ASAP1: variants seen among roughly 807,000 people sequenced by gnomAD.
ASAP1 encodes ArfGAP with SH3 domain, ankyrin repeat and PH domain 1, also known as arf-GAP with SH3 domain, ANK repeat and PH domain-containing protein 1.
In ASAP1, 43 loss-of-function variants were observed where a neutral mutation model predicts 145.2. The ratio of observed to expected loss-of-function variants is 0.30; its 90% confidence interval spans 0.23 to 0.38. The LOEUF (loss-of-function observed/expected upper bound fraction) is 0.38, where lower values mean the gene tolerates loss of function less well. ASAP1 is among the 10% of genes least tolerant of loss of function. ASAP1 has a pLI of 1.00. For missense variants in ASAP1, 1,018 were observed against 1,355.3 expected (o/e 0.75, Z 3.91); for synonymous variants, 546 against 515.5 (o/e 1.06, Z -0.80).
intron 24 of ASAP1, among the ~76,000 whole-genome samples, chr8:130,101,984 T>C (rs1341488607): frequency 2.0e-5 from 3 of 152,094 alleles, no homozygotes; most frequent in Non-Finnish European, 2.9e-5. Flanking sequence ...CAGTTCTAAA[T>C]GTGTTTTTTG....
At chr8:130,413,495 A>G (rs1008835477) in intron 1 of ASAP1, among the ~76,000 whole-genome samples, 1 of 152,240 alleles carries the variant, frequency 6.6e-6, no homozygotes, top group Non-Finnish European at 1.5e-5. Flanking sequence ...CTGCTATGAT[A>G]TCAATAATGC....
intron 15 of ASAP1, among the ~76,000 whole-genome samples, chr8:130,130,248 T>A (rs1476406169): frequency 6.6e-6 from 1 of 152,218 alleles, no homozygotes; most frequent in Non-Finnish European, 1.5e-5. Flanking sequence ...TATAATACTT[T>A]ATAGATGAGG....
chr8:130,205,724 A>G (rs1816178110), intron 5 of ASAP1, among the ~76,000 whole-genome samples: 1 of 151,612 alleles, frequency 6.6e-6, no homozygotes, highest in African/African-American at 2.4e-5. Flanking sequence ...TCATGTGAAT[A>G]TTCAAGTTTC....
chr8:130,420,529 A>G (rs954203640), intron 1 of ASAP1, among the ~76,000 whole-genome samples: 2 of 152,180 alleles, frequency 1.3e-5, no homozygotes, highest in African/African-American at 4.8e-5. Context: ...AAAACCTATC[A>G]GCCAAGGAAT....
chr8:130,272,829 G>A (rs919282915), intron 3 of ASAP1, among the ~76,000 whole-genome samples: 2 of 152,176 alleles, frequency 1.3e-5, no homozygotes, highest in African/African-American at 4.8e-5. Flanking sequence ...ACAGATACTA[G>A]AGACTGGGAA....
At chr8:130,160,379 AC>A (rs1040047518) in intron 11 of ASAP1, among the ~76,000 whole-genome samples, 1 of 152,254 alleles carries the variant, frequency 6.6e-6, no homozygotes, top group Non-Finnish European at 1.5e-5. Context: ...CTTAGGCTGT[AC>A]CTTTCTCCCT....
chr8:130,073,220 GTC>G (rs1017714341), intron 27 of ASAP1, among the ~76,000 whole-genome samples: 38 of 150,298 alleles, frequency 2.5e-4, no homozygotes, highest in African/African-American at 9.2e-4. Context: ...AGAAACCCCT[GTC>G]TCTACTAAAA....
At chr8:130,190,903 A>G (rs909969773) in intron 5 of ASAP1, among the ~76,000 whole-genome samples, 1 of 152,166 alleles carries the variant, frequency 6.6e-6, no homozygotes, top group African/African-American at 2.4e-5. Flanking sequence ...TGATGCCTCC[A>G]GCTTGTGTAT....
chr8:130,260,202 G>A (rs1362913598), intron 3 of ASAP1, among the ~76,000 whole-genome samples: 1 of 152,096 alleles, frequency 6.6e-6, no homozygotes, highest in African/African-American at 2.4e-5. Context: ...TGAACTAATA[G>A]ATCTGAGTAA....
At chr8:130,416,135 C>G (rs1829465217) in intron 1 of ASAP1, among the ~76,000 whole-genome samples, 1 of 152,158 alleles carries the variant, frequency 6.6e-6, no homozygotes, top group Non-Finnish European at 1.5e-5. Flanking sequence ...AGCCTGGATG[C>G]AGCTGACTCA....
At position 130,058,004 on chromosome 8, in the gene ASAP1, T is replaced by A; in HGVS notation, c.3265A>T (p.Ile1089Phe). ...QADNDDELTF[I>F]EGEVIIVTGE... ...GTGACGATAATCACTTCTCCCTCGA[T>A]GAATGTGAGCTCGTCATCGTTGTCT... The change falls in exon 29 of 30, where the codon ATC (isoleucine) becomes TTC (phenylalanine). Residue 1089 changes from isoleucine to phenylalanine, a missense_variant. Around this residue, in one of 9 missense-constraint regions of ASAP1, gnomAD observed 62 missense variants for 97.8 expected, o/e 0.63. Transcript: ENST00000518721. 6.2e-7 allele frequency: 1 copy of A among 1,614,270 alleles called. No homozygotes were observed. The highest frequency in any genetic ancestry group is 8.5e-7 in the Non-Finnish European group (1 of 1,180,042).
intron 3 of ASAP1, among the ~76,000 whole-genome samples, chr8:130,290,550 G>A (rs1205155197): frequency 2.0e-5 from 3 of 152,302 alleles, no homozygotes; most frequent in South Asian, 2.1e-4. Flanking sequence ...TAGCCTAGTC[G>A]ACATGGGGAT....
At position 130,274,830 on chromosome 8, in the gene ASAP1, T is replaced by C. The variant is rs73409315; in HGVS notation, c.187-37836A>G. Among the ~76,000 whole-genome samples the C allele has an allele frequency of 6.5e-3, 992 of 152,330 alleles. 8 individuals are homozygous for C. The highest frequency in any genetic ancestry group is 0.023 in the African/African-American group (949 of 41,574). ...CTTCCTGAATACCACCAGTACAGGA[T>C]TGGATTGGCTCTTAGCTACACCTAC... is the stretch of plus-strand genomic sequence containing the variant. On this transcript the variant is annotated intron_variant, in intron 3 of 29. Coordinates refer to ENST00000518721, the MANE Select transcript of ASAP1 (RefSeq NM_018482.4).
intron 4 of ASAP1, among the ~76,000 whole-genome samples, chr8:130,235,039 C>T (rs189606632): frequency 1.5e-3 from 221 of 152,124 alleles, no homozygotes; most frequent in Middle Eastern, 3.4e-3. Context: ...CAATCCCCTG[C>T]ACATTAGATA....
At chr8:130,250,505 G>A (rs1819126656) in intron 3 of ASAP1, among the ~76,000 whole-genome samples, 1 of 152,092 alleles carries the variant, frequency 6.6e-6, no homozygotes. Context: ...AAGTTTGAAG[G>A]GAATACAAGT....
chr8:130,381,210 G>A (rs1586942992), intron 2 of ASAP1, among the ~76,000 whole-genome samples: 1 of 151,922 alleles, frequency 6.6e-6, no homozygotes, highest in South Asian at 2.1e-4. Flanking sequence ...AATATCTTTT[G>A]TAGAGAGGAG....
chr8:130,188,668 A>G (rs1382384539), intron 5 of ASAP1, among the ~76,000 whole-genome samples: 1 of 119,104 alleles, frequency 8.4e-6, no homozygotes, highest in Non-Finnish European at 1.7e-5. Flanking sequence ...TGGGAGGCGG[A>G]GGTTGCAGTG....
At chr8:130,367,127 T>C (rs1429236838) in intron 2 of ASAP1, among the ~76,000 whole-genome samples, 2 of 151,900 alleles carry the variant, frequency 1.3e-5, no homozygotes, top group Admixed American at 1.3e-4. Flanking sequence ...CTTGACCTCA[T>C]GATCTGCCTG....
At chr8:130,148,035 T>C (rs528229847) in intron 13 of ASAP1, among the ~76,000 whole-genome samples, 1 of 152,354 alleles carries the variant, frequency 6.6e-6, no homozygotes, top group South Asian at 2.1e-4. Context: ...CTTAGAACAC[T>C]TGCATTATCT....
Sources: gnomAD v4.1 joint callset for allele counts (sites outside exome capture counted in the v4.1 genomes callset) on GRCh38, gnomAD v4.1.1 for gene constraint, gnomAD v4.1.1 regional missense constraint, MANE v1.5 for transcripts, NCBI Gene and HGNC (gene_info 2026-07-23, HGNC 2026-07-21) for gene names.